The following FMN1 variants were observed in gnomAD, a reference collection of about 807,000 sequenced individuals.
FMN1 encodes the protein formin 1, also known as formin-1.
A neutral mutation model predicts 132.4 loss-of-function variants in FMN1; 110 were observed. The observed-to-expected ratio is 0.83, with a 90% confidence interval of 0.71 to 0.97. FMN1 has a LOEUF of 0.97. Ranked by LOEUF, FMN1 falls within the 50% of genes least tolerant of loss-of-function variation. FMN1 has a pLI of 0.00. For synonymous variants in FMN1, 722 were observed against 651.7 expected, an observed-to-expected ratio of 1.11 and a Z score of -1.64; for missense variants, 1,792 against 1,705.3, an observed-to-expected ratio of 1.05 and a Z score of -0.90.
intron 4 of FMN1, among the ~76,000 whole-genome samples, chr15:33,125,448 T>C (rs574224703): frequency 5.9e-5 from 9 of 152,238 alleles, no homozygotes; most frequent in Admixed American, 1.3e-4. Context: ...TGTAGAAGAT[T>C]ATTTAAAGGA....
At chr15:32,922,595 C>T (rs965965838) in intron 10 of FMN1, among the ~76,000 whole-genome samples, 1 of 152,208 alleles carries the variant, frequency 6.6e-6, no homozygotes, top group African/African-American at 2.4e-5. Context: ...GAAGATTGCT[C>T]TTCAACAGCC....
chr15:32,935,974 C>G (rs990102268), intron 9 of FMN1, among the ~76,000 whole-genome samples: 5 of 151,996 alleles, frequency 3.3e-5, no homozygotes, highest in African/African-American at 1.2e-4. Flanking sequence ...TCATTTCAAA[C>G]GACCTCTCTT....
chr15:32,883,509 C>CAAAAAAAAAAAAAAA (rs60737133), intron 16 of FMN1, among the ~76,000 whole-genome samples: 13 of 25,914 alleles, frequency 5.0e-4, no homozygotes, highest in Admixed American at 5.2e-4. Flanking sequence ...GAACCTATCT[C>CAAAAAAAAAAAAAAA]AAAAAAAAAA....
chr15:32,907,746 A>C (rs1194132173), intron 12 of FMN1, among the ~76,000 whole-genome samples: 2 of 147,832 alleles, frequency 1.4e-5, no homozygotes, highest in African/African-American at 4.9e-5. Context: ...CAACAGGCAA[A>C]AGAGGCCCTC....
At chr15:33,065,136 A>T (rs1239711453) in intron 5 of FMN1, 62 bp from the exon 6 acceptor site, 11 of 1,118,964 alleles carry the variant, frequency 9.8e-6, no homozygotes, top group Non-Finnish European at 1.3e-5. Flanking sequence ...TTCCTGAAAA[A>T]TGACATGCTA....
intron 15 of FMN1, among the ~76,000 whole-genome samples, chr15:32,890,084 G>C (rs776359069): frequency 2.6e-5 from 4 of 152,100 alleles, no homozygotes; most frequent in African/African-American, 9.7e-5. Flanking sequence ...CATCCGGGTC[G>C]CCGAAAATGC....
Position 33,188,208 on chromosome 15 carries a change from C to T in FMN1, c.-197+5701G>A, listed in dbSNP as rs183298688. The stretch of plus-strand genomic sequence containing the variant: ...AAAAAAAATCAGCCAGGTGTGGTGG[C>T]GCACGCCTGTGATCCCAGCTACTCA... On this transcript the variant is annotated intron_variant, in intron 2 of 20. Transcript: ENST00000616417. 6.2e-4 allele frequency among the ~76,000 whole-genome samples: 94 copies of T among 151,818 alleles called. 1 individual carries two copies. The East Asian group carries it at 0.016, about 26-fold the overall frequency.
intron 7 of FMN1, among the ~76,000 whole-genome samples, chr15:32,985,623 G>C (rs962982392): frequency 6.6e-6 from 1 of 152,096 alleles, no homozygotes; most frequent in African/African-American, 2.4e-5. Flanking sequence ...TATGATTACT[G>C]CAATTATTCC....
At chr15:32,904,025 C>T (rs2060360775) in intron 12 of FMN1, among the ~76,000 whole-genome samples, 1 of 152,134 alleles carries the variant, frequency 6.6e-6, no homozygotes, top group Non-Finnish European at 1.5e-5. Context: ...TCAGTCTGTC[C>T]TTTAGGAATG....
intron 16 of FMN1, 49 bp from the exon 17 acceptor site, chr15:32,857,156 C>T: frequency 7.1e-7 from 1 of 1,410,124 alleles, no homozygotes. Context: ...ATTTGCTGAG[C>T]TCCTGCTATG....
Position 33,081,171 on chromosome 15 carries a change from T to A in FMN1, c.2043+7628A>T, listed in dbSNP as rs78566928. ...AAGTGGTTCCATTAAGACAAGAGCC[T>A]GGACCGTTTTCTCCACGGCTAGCTT... is the stretch of plus-strand genomic sequence containing the variant. On this transcript the variant is annotated intron_variant, in intron 5 of 20. Transcript: ENST00000616417. Among the ~76,000 whole-genome samples, 19 of 152,312 alleles carry A rather than the reference T, an allele frequency of 1.2e-4. No individual in the cohort carries two copies. In the East Asian group the frequency reaches 3.3e-3, roughly 26 times the overall value.
At chr15:32,959,839 G>A (rs2030300926) in intron 9 of FMN1, among the ~76,000 whole-genome samples, 1 of 152,198 alleles carries the variant, frequency 6.6e-6, no homozygotes, top group African/African-American at 2.4e-5. Flanking sequence ...ATGTTTTCAA[G>A]CATCTGGAGA....
intron 4 of FMN1, among the ~76,000 whole-genome samples, chr15:33,097,078 A>G (rs2039113307): frequency 1.3e-5 from 2 of 152,000 alleles, no homozygotes; most frequent in South Asian, 2.1e-4. Flanking sequence ...TGGATCACTT[A>G]AGCTCACGAG....
intron 3 of FMN1, among the ~76,000 whole-genome samples, chr15:33,161,373 ACTCCCTATCTC>A (rs1964882719): frequency 6.6e-6 from 1 of 151,872 alleles, no homozygotes; most frequent in Admixed American, 6.6e-5. Flanking sequence ...TTATCCCCTG[ACTCCCTATCTC>A]CTGGGCTATA....
chr15:32,807,402 T>C (rs1224994840), intron 17 of FMN1, among the ~76,000 whole-genome samples: 3 of 152,228 alleles, frequency 2.0e-5, no homozygotes, highest in Non-Finnish European at 4.4e-5. Flanking sequence ...TACTGAGAAA[T>C]GACCTGTGTC....
chr15:33,080,346 C>T (rs2038401731), intron 5 of FMN1, among the ~76,000 whole-genome samples: 1 of 152,202 alleles, frequency 6.6e-6, no homozygotes, highest in Non-Finnish European at 1.5e-5. Context: ...CTGGTGTTCC[C>T]GTAACTGAGT....
chr15:33,150,662 T>C (rs1214239606), intron 4 of FMN1: 2 of 985,398 alleles, frequency 2.0e-6, no homozygotes, highest in African/African-American at 1.7e-5. Context: ...GCCTCTAACA[T>C]TGAAGAGTCT....
Position 32,776,875 on chromosome 15 carries a change from T to C in FMN1, c.4175A>G (p.Lys1392Arg), listed in dbSNP as rs1184492494. 6.3e-7 allele frequency: 1 copy of C among 1,597,608 alleles called. No homozygotes were observed. Among genetic ancestry groups the C allele is most frequent in the East Asian group, 2.2e-5 (1 of 44,618 alleles). ...ATTGATTTTCTTTGTCTCCACTTTC[T>C]TCTCTGAAGTCAACTTGCTGACTGA... Reference protein sequence around the residue: ...QESVSKLTSEKKVETKKINPT... With the variant: ...QESVSKLTSERKVETKKINPT... The change falls in exon 20 of 21, where the codon AAG becomes AGG. Residue 1392 changes from lysine to arginine, a missense_variant. Transcript: ENST00000616417.
intron 9 of FMN1, among the ~76,000 whole-genome samples, chr15:32,960,995 CAAAAAAAAAAA>C (rs539245532): frequency 0.063 from 3,766 of 59,838 alleles, 113 homozygotes; most frequent in Admixed American, 0.11. Flanking sequence ...GACTCCGTCT[CAAAAAAAAAAA>C]AAAAAAAAAA....
Sources: gnomAD v4.1 joint callset for allele counts (sites outside exome capture counted in the v4.1 genomes callset) on GRCh38, gnomAD v4.1.1 for gene constraint, MANE v1.5 for transcripts, NCBI Gene and HGNC (gene_info 2026-07-23, HGNC 2026-07-21) for gene names.